The following RBMX variants were observed in gnomAD, a reference collection of about 807,000 sequenced individuals.
The protein encoded by RBMX is RNA-binding motif protein, X chromosome.
In RBMX, 1 loss-of-function variant was observed where a neutral mutation model predicts 29.3. The ratio of observed to expected loss-of-function variants is 0.03; its 90% CI spans 0.01 to 0.16. The LOEUF (loss-of-function observed/expected upper bound fraction) is 0.16. Among genes scored for constraint, RBMX ranks in the 10% least tolerant of loss-of-function variants. The pLI is 1.00. For missense variants in RBMX, 121 were observed against 333.2 expected (o/e 0.36, Z 4.96); for synonymous variants, 102 against 102.3 (o/e 1.00, Z 0.02).
intron 4 of RBMX, 61 bp from the exon 5 acceptor site, chrX:136,876,716 G>GTTT (rs199725935): frequency 5.5e-4 from 446 of 804,087 alleles, no homozygotes; most frequent in East Asian, 6.0e-4. Flanking sequence ...AGATATAAAA[G>GTTT]TTTTTTTTTT....
intron 1 of RBMX, among the ~76,000 whole-genome samples, chrX:136,879,976 G>A (rs1272913411): frequency 6.3e-5 from 7 of 111,559 alleles, no homozygotes; most frequent in African/African-American, 2.3e-4. Flanking sequence ...CCGCCCTACC[G>A]AAAATTCTAC....
At chrX:136,876,715 A>C in intron 4 of RBMX, 60 bp from the exon 5 acceptor site, 1 of 942,564 alleles carries the variant, frequency 1.1e-6, no homozygotes, top group Non-Finnish European at 1.4e-6. Context: ...AAGATATAAA[A>C]GTTTTTTTTT....
At chrX:136,875,806 G>GT (rs373439816) in intron 5 of RBMX, among the ~76,000 whole-genome samples, 2,572 of 101,201 alleles carry the variant, frequency 0.025, 42 homozygotes, top group African/African-American at 0.043. Flanking sequence ...TAAAAGTTTT[G>GT]TTTTTTTTTT....
chrX:136,877,141 C>A (rs2077738812), intron 4 of RBMX, among the ~76,000 whole-genome samples: 1 of 109,367 alleles, frequency 9.1e-6, no homozygotes, highest in African/African-American at 3.3e-5. Context: ...GAGTTCAAGA[C>A]CAGTCTAACA....
rs758469555 is a variant in RBMX at position 136,876,869 on chromosome X, A to G, written c.389-214T>C. On this transcript the variant is annotated intron_variant, in intron 4 of 8. Coordinates refer to ENST00000320676, the MANE Select transcript of RBMX (RefSeq NM_002139.4). The stretch of plus-strand genomic sequence containing the variant: ...ATTACAGGTGTGCGCCACCACACCC[A>G]GCTAATTTTTGGTGGTTTTTTTTAA... Among the ~76,000 whole-genome samples the G allele has an allele frequency of 5.7e-5, 6 of 104,720 alleles. No individual in the cohort carries two copies. The South Asian group carries it at 2.3e-3, about 40-fold the overall frequency. The allele number at this position is 104,720 out of a possible 115,157, so 90.9% of individuals were successfully genotyped here.
chrX:136,874,593 C>T, intron 8 of RBMX, 141 bp from the exon 9 acceptor site: 1 of 728,570 alleles, frequency 1.4e-6, no homozygotes, highest in Non-Finnish European at 2.0e-6. Context: ...CCATTGCTGG[C>T]CATAACAGGG....
chrX:136,872,757 G>A (rs770527400), downstream of RBMX: 1 of 133,929 alleles, frequency 7.5e-6, no homozygotes, highest in East Asian at 2.2e-4. Context: ...AAGACCACTT[G>A]CAATAGATTT....
chrX:136,876,451 C>T lies in RBMX; in HGVS notation c.541+52G>A, dbSNP rs376493824. 4 of 1,107,692 alleles carry T rather than the reference C, an allele frequency of 3.6e-6. No individual in the cohort carries two copies. In the African/African-American group the frequency reaches 7.5e-5, roughly 21 times the overall value. 91.3% of individuals were successfully genotyped at this position (1,107,692 alleles called of 1,213,427 possible). ...AAAATTTTAAGCATCATTCACCTCT[C>T]AATTCTTTGTGTTACGGTAGTAGCA... On this transcript the variant is annotated intron_variant, in intron 5 of 8. Transcript: ENST00000320676.
chrX:136,877,109 C>T (rs1013610322), intron 4 of RBMX, among the ~76,000 whole-genome samples: 3 of 109,098 alleles, frequency 2.7e-5, no homozygotes, highest in East Asian at 3.0e-4. Flanking sequence ...GAGGCCAAGG[C>T]GGGCGGATCA....
chrX:136,879,279 TTAATTA>T (rs775429907), intron 2 of RBMX, 34 bp downstream of exon 2: 360 of 1,198,520 alleles, frequency 3.0e-4, no homozygotes, highest in Non-Finnish European at 3.8e-4. Context: ...AGCTTATATT[TTAATTA>T]TAATAGCCCA....
chrX:136,873,458 T>C (rs1485301340), downstream of RBMX: 2 of 753,041 alleles, frequency 2.7e-6, no homozygotes, highest in African/African-American at 4.6e-5. Context: ...TGCAGCTTCA[T>C]GGTTGGTTTT....
intron 5 of RBMX, among the ~76,000 whole-genome samples, chrX:136,875,819 G>A (rs1437057978): frequency 2.5e-5 from 2 of 80,085 alleles, no homozygotes; most frequent in Admixed American, 1.4e-4. Flanking sequence ...TTTTTTTTTT[G>A]AGATGGGAGT....
downstream of RBMX, chrX:136,872,160 C>A (rs961134547): frequency 4.7e-5 from 28 of 595,942 alleles, no homozygotes; most frequent in African/African-American, 6.2e-4. Flanking sequence ...GCAGCGTTTT[C>A]TTTTACAGAT....
intron 6 of RBMX, 27 bp from the exon 7 acceptor site, chrX:136,875,410 C>T: frequency 8.3e-7 from 1 of 1,206,668 alleles, no homozygotes; most frequent in Non-Finnish European, 1.1e-6. Flanking sequence ...TTGGTTTATG[C>T]TTTTGATAAG....
At chrX:136,880,536 T>A (rs760073106) in intron 1 of RBMX, 61 bp downstream of exon 1, 2 of 111,768 alleles carry the variant, frequency 1.8e-5, no homozygotes, top group South Asian at 7.6e-4. Flanking sequence ...GGAGATATAA[T>A]CCCCAGTCCT....
At chrX:136,876,716 GTTTTT>G in intron 4 of RBMX, 61 bp from the exon 5 acceptor site, 1 of 808,819 alleles carries the variant, frequency 1.2e-6, no homozygotes, top group Non-Finnish European at 1.6e-6. Context: ...AGATATAAAA[GTTTTT>G]TTTTTTTTTT....
chrX:136,873,948 G>T lies in RBMX; in HGVS notation c.*194C>A. 2 of 991,827 alleles carry T rather than the reference G, an allele frequency of 2.0e-6. No individual in the cohort carries two copies. Among genetic ancestry groups the T allele is most frequent in the Non-Finnish European group, 1.3e-6 (1 of 780,018 alleles). 81.7% of individuals were successfully genotyped at this position (991,827 alleles called of 1,213,427 possible). A position where few individuals can be genotyped will look rare whatever the true frequency, so the allele number is the denominator to read the frequency against. ...ACATTTGCTTGTTGAAAAGCAATGC[G>T]AAAGTCAAATAAAATTAAACATGTT... On this transcript the variant is annotated 3_prime_UTR_variant, in exon 9 of 9. Transcript: ENST00000320676.
chrX:136,874,980 C>A, intron 8 of RBMX, 106 bp downstream of exon 8: 1 of 1,111,227 alleles, frequency 9.0e-7, no homozygotes, highest in Non-Finnish European at 1.2e-6. Context: ...CCTTTAAAAG[C>A]AAGCAAACAT....
Position 136,873,892 on chromosome X carries a change from TACA to T in RBMX, c.*247_*249del, listed in dbSNP as rs1355273803. 2.0e-6 allele frequency: 2 copies of T among 981,257 alleles called. No individual in the cohort carries two copies. The highest frequency in any genetic ancestry group is 5.1e-5 in the Admixed American group (1 of 19,765). The allele number at this position is 981,257 out of a possible 1,213,427, so 80.9% of individuals were successfully genotyped here. ...TAGGGGATACTTTTACTTGGAAAGT[TACA>T]ACACTAGTACAAGTCTTAACACATT... On this transcript the variant is annotated 3_prime_UTR_variant, in exon 9 of 9. Coordinates refer to ENST00000320676, the MANE Select transcript of RBMX (RefSeq NM_002139.4).
Sources: gnomAD v4.1 joint callset for allele counts (sites outside exome capture counted in the v4.1 genomes callset) on GRCh38, gnomAD v4.1.1 for gene constraint, MANE v1.5 for transcripts, NCBI Gene and HGNC (gene_info 2026-07-23, HGNC 2026-07-21) for gene names.